TPRG1: variants seen among roughly 807,000 people sequenced by gnomAD.
The protein encoded by TPRG1 is tumor protein p63-regulated gene 1 protein.
A neutral mutation model predicts 29.3 loss-of-function variants in TPRG1; 29 were observed. That is an observed-to-expected ratio of 0.99 (90% CI 0.74 to 1.35). TPRG1 has a LOEUF of 1.35. TPRG1 is among the 40% of genes most tolerant of loss of function. TPRG1 has a pLI of 0.00. For synonymous variants in TPRG1, 130 were observed against 116.8 expected (o/e 1.11, Z -0.73); for missense variants, 327 against 335.0 (o/e 0.98, Z 0.19).
At chr3:189,028,657 C>T (rs936867226) in intron 4 of TPRG1, among the ~76,000 whole-genome samples, 13 of 152,060 alleles carry the variant, frequency 8.5e-5, no homozygotes, top group African/African-American at 1.9e-4. Flanking sequence ...TTTTTAATTG[C>T]GTGTGCTAAT....
intron 2 of TPRG1, among the ~76,000 whole-genome samples, chr3:189,214,723 TGA>T (rs1417962258): frequency 1.3e-5 from 2 of 152,190 alleles, no homozygotes; most frequent in Non-Finnish European, 2.9e-5. Context: ...CATTGAAATT[TGA>T]GAGTCATTGA....
intron 4 of TPRG1, among the ~76,000 whole-genome samples, chr3:189,093,000 CCTT>C (rs199684401): frequency 0.033 from 4,715 of 142,512 alleles, 160 homozygotes; most frequent in African/African-American, 0.1. Context: ...AATTATTTCT[CCTT>C]CTTCTTCTGT....
At chr3:189,165,953 C>T (rs1305718155) in intron 5 of TPRG1, among the ~76,000 whole-genome samples, 1 of 152,114 alleles carries the variant, frequency 6.6e-6, no homozygotes, top group Non-Finnish European at 1.5e-5. Flanking sequence ...CCTCCCTCTC[C>T]CCAGGTGATT....
intron 1 of TPRG1, among the ~76,000 whole-genome samples, chr3:189,203,779 T>C (rs1185777081): frequency 6.6e-6 from 1 of 152,184 alleles, no homozygotes. Context: ...AGGTGGCTCA[T>C]GCCTATAATC....
intron 3 of TPRG1, among the ~76,000 whole-genome samples, chr3:189,236,970 C>T (rs1460125774): frequency 6.6e-6 from 1 of 152,182 alleles, no homozygotes; most frequent in Non-Finnish European, 1.5e-5. Context: ...CTTATAAAGC[C>T]TTAACAGAGA....
chr3:189,039,247 T>C (rs768041390), intron 4 of TPRG1, among the ~76,000 whole-genome samples: 1 of 152,182 alleles, frequency 6.6e-6, no homozygotes, highest in Non-Finnish European at 1.5e-5. Context: ...TGGCTCTCTG[T>C]AGGCTTATAT....
intron 3 of TPRG1, among the ~76,000 whole-genome samples, chr3:189,014,494 T>A (rs1414860501): frequency 1.3e-5 from 2 of 152,136 alleles, no homozygotes; most frequent in Non-Finnish European, 2.9e-5. Context: ...CTTGGGGTAA[T>A]CTTCTCATGG....
chr3:189,078,068 C>CCTTT (rs1717316212), intron 4 of TPRG1, among the ~76,000 whole-genome samples: 3 of 124,074 alleles, frequency 2.4e-5, no homozygotes, highest in Non-Finnish European at 4.9e-5. Context: ...TCCTTTCTCT[C>CCTTT]CTTTCTCTCT....
At chr3:189,095,749 G>A (rs1177956944), upstream of TPRG1, among the ~76,000 whole-genome samples, 1 of 152,188 alleles carries the variant, frequency 6.6e-6, no homozygotes, top group Non-Finnish European at 1.5e-5. Context: ...CTCTTGTCAG[G>A]AAGTGGGCAT....
chr3:189,132,957 G>A (rs1445787304), intron 3 of TPRG1, among the ~76,000 whole-genome samples: 2 of 152,092 alleles, frequency 1.3e-5, no homozygotes, highest in Non-Finnish European at 2.9e-5. Flanking sequence ...TTCTAATGAG[G>A]AAGCGGGGCC....
intron 4 of TPRG1, among the ~76,000 whole-genome samples, chr3:189,066,442 G>C (rs1015560697): frequency 1.4e-4 from 21 of 151,778 alleles, no homozygotes; most frequent in African/African-American, 3.4e-4. Context: ...AACTGACTTC[G>C]ACAATACATT....
intron 4 of TPRG1, among the ~76,000 whole-genome samples, chr3:189,058,643 T>A: frequency 6.6e-6 from 1 of 152,220 alleles, no homozygotes; most frequent in East Asian, 1.9e-4. Flanking sequence ...TGAAATTGTT[T>A]TAAGAAAAAT....
chr3:189,255,952 C>CA (rs200215209), intron 4 of TPRG1, among the ~76,000 whole-genome samples: 2,934 of 150,962 alleles, frequency 0.019, 34 homozygotes, highest in South Asian at 0.037. Context: ...TAATCTTTTC[C>CA]AAAAAAAACA....
intron 4 of TPRG1, among the ~76,000 whole-genome samples, chr3:189,302,320 G>T (rs1016002813): frequency 1.3e-5 from 2 of 152,166 alleles, no homozygotes; most frequent in African/African-American, 4.8e-5. Context: ...ATGAGAGATT[G>T]TTCCTTCTTC....
At chr3:189,066,285 A>G (rs1358187560) in intron 4 of TPRG1, among the ~76,000 whole-genome samples, 1 of 152,156 alleles carries the variant, frequency 6.6e-6, no homozygotes, top group Non-Finnish European at 1.5e-5. Context: ...TTCAATAAAT[A>G]GAGGATAAGA....
intron 2 of TPRG1, 89 bp from the exon 3 acceptor site, chr3:189,215,203 C>A: frequency 9.4e-7 from 1 of 1,067,946 alleles, no homozygotes; most frequent in Non-Finnish European, 1.3e-6. Context: ...ACCAGCTTTC[C>A]GGAGGAGCTG....
chr3:189,001,993 T>C (rs1712047706), intron 2 of TPRG1, among the ~76,000 whole-genome samples: 1 of 152,246 alleles, frequency 6.6e-6, no homozygotes, highest in Non-Finnish European at 1.5e-5. Flanking sequence ...TTCCATTTTA[T>C]AGAAGAGGAA....
intron 4 of TPRG1, among the ~76,000 whole-genome samples, chr3:189,249,490 T>G (rs1174781827): frequency 6.6e-6 from 1 of 152,012 alleles, no homozygotes; most frequent in Non-Finnish European, 1.5e-5. Context: ...TAATTGAATT[T>G]TACTTTGTGA....
At chr3:189,023,022 C>A (rs141944586) in intron 3 of TPRG1, among the ~76,000 whole-genome samples, 4,034 of 152,240 alleles carry the variant, frequency 0.026, 142 homozygotes, top group African/African-American at 0.083. Flanking sequence ...TTCTTTGACT[C>A]GGAAAGGGAA....
Sources: gnomAD v4.1 joint callset for allele counts (sites outside exome capture counted in the v4.1 genomes callset) on GRCh38, gnomAD v4.1.1 for gene constraint, MANE v1.5 for transcripts, NCBI Gene and HGNC (gene_info 2026-07-23, HGNC 2026-07-21) for gene names.